GGNBP2: variants seen among roughly 807,000 people sequenced by gnomAD.
GGNBP2 encodes gametogenetin-binding protein 2.
A neutral mutation model predicts 85.9 loss-of-function variants in GGNBP2; 10 were observed. The ratio of observed to expected loss-of-function variants is 0.12; its 90% CI spans 0.07 to 0.20. The LOEUF is 0.20. Ranked by LOEUF, GGNBP2 falls within the 10% of genes least tolerant of loss-of-function variation. GGNBP2 has a pLI of 1.00. For missense variants in GGNBP2, 595 were observed against 857.8 expected (o/e 0.69, Z 3.83); for synonymous variants, 287 against 285.7 (o/e 1.00, Z -0.05).
At chr17:36,585,010 A>G (rs2074686693) in intron 9 of GGNBP2, among the ~76,000 whole-genome samples, 1 of 152,180 alleles carries the variant, frequency 6.6e-6, no homozygotes. Flanking sequence ...GATACAATTA[A>G]TATTTTTACA....
intron 2 of GGNBP2, among the ~76,000 whole-genome samples, chr17:36,549,489 A>G (rs1452669893): frequency 6.6e-6 from 1 of 152,240 alleles, no homozygotes; most frequent in Non-Finnish European, 1.5e-5. Flanking sequence ...TACAGGTGTG[A>G]GCCACCACAC....
chr17:36,574,992 G>A (rs1212982079), intron 6 of GGNBP2: 8 of 1,529,306 alleles, frequency 5.2e-6, no homozygotes, highest in East Asian at 4.8e-5. Flanking sequence ...TGGCCGGCAC[G>A]GGTCTGCTTC....
intron 6 of GGNBP2, among the ~76,000 whole-genome samples, chr17:36,573,221 T>A (rs1555607147): frequency 6.6e-6 from 1 of 152,168 alleles, no homozygotes; most frequent in Admixed American, 6.6e-5. Context: ...CAAGTGATTC[T>A]CCTGCCTCAG....
At chr17:36,550,672 AATTG>A (rs1440355493) in intron 2 of GGNBP2, among the ~76,000 whole-genome samples, 1 of 152,218 alleles carries the variant, frequency 6.6e-6, no homozygotes, top group African/African-American at 2.4e-5. Context: ...GAAAGTGGGT[AATTG>A]ATTCAATAAA....
chr17:36,579,348 C>T lies in GGNBP2; in HGVS notation c.949C>T (p.Leu317=), dbSNP rs1484491719. ...AAGACTGCATCGAATCTGGCAGAAG[C>T]TACGGGCAGAAGAGCAGACATGGCA... ...YERLHRIWQK[L]RAEEQTWQML... is the part of the protein sequence containing the mutation. The change falls in exon 8 of 14, where the codon CTA becomes TTA. Residue 317 remains leucine, a synonymous_variant. Coordinates refer to ENST00000613102, the MANE Select transcript of GGNBP2 (RefSeq NM_024835.5). 6.2e-7 allele frequency: 1 copy of T among 1,614,164 alleles called. No individual in the cohort carries two copies. The highest frequency in any genetic ancestry group is 2.2e-5 in the East Asian group (1 of 44,880).
chr17:36,561,710 G>C (rs1296725354), intron 5 of GGNBP2, among the ~76,000 whole-genome samples: 2 of 151,838 alleles, frequency 1.3e-5, no homozygotes, highest in Non-Finnish European at 2.9e-5. Flanking sequence ...TGCAACCTCT[G>C]CCTCCTGGGT....
At chr17:36,582,969 TAAATA>T (rs2074665495) in intron 9 of GGNBP2, among the ~76,000 whole-genome samples, 1 of 152,222 alleles carries the variant, frequency 6.6e-6, no homozygotes, top group Non-Finnish European at 1.5e-5. Context: ...AACTATTTTC[TAAATA>T]AAATGAGAGT....
At chr17:36,586,958 A>C (rs1346567461) in intron 12 of GGNBP2, 39 bp from the exon 13 acceptor site, 2 of 1,564,796 alleles carry the variant, frequency 1.3e-6, no homozygotes, top group Admixed American at 1.8e-5. Context: ...CTATTATATC[A>C]TGCCTTTTTA....
At chr17:36,574,793 T>C in intron 6 of GGNBP2, 1 of 654,220 alleles carries the variant, frequency 1.5e-6, no homozygotes, top group East Asian at 2.7e-5. Context: ...GCCTGTCGGC[T>C]TGCAAGGGAT....
intron 3 of GGNBP2, among the ~76,000 whole-genome samples, chr17:36,556,755 T>G: frequency 8.7e-6 from 1 of 114,856 alleles, no homozygotes; most frequent in East Asian, 2.2e-4. Flanking sequence ...ATTGTGCTTT[T>G]TTTTTTTTTT....
At chr17:36,572,116 C>T (rs550986625) in intron 6 of GGNBP2, among the ~76,000 whole-genome samples, 55 of 152,012 alleles carry the variant, frequency 3.6e-4, no homozygotes, top group African/African-American at 1.3e-3. Context: ...AAAGCTTTTA[C>T]GGCTTTTATA....
intron 2 of GGNBP2, chr17:36,546,271 T>G: frequency 8.1e-5 from 20 of 247,044 alleles, no homozygotes; most frequent in Non-Finnish European, 1.0e-4. Context: ...TAAGCTTAAT[T>G]ACTGGGGGCA....
rs374366757 is a variant in GGNBP2, at chr17:36,575,648, A to ATATTTT, written c.642-2334_642-2333insATTTTT. 2.9e-3 allele frequency among the ~76,000 whole-genome samples: 161 copies of ATATTTT among 54,898 alleles called. 2 individuals carry two copies. Among genetic ancestry groups the ATATTTT allele is most frequent in the African/African-American group, 7.2e-3 (66 of 9,176 alleles). 36.0% of individuals were successfully genotyped at this position (54,898 alleles called of 152,430 possible). A position where few individuals can be genotyped will look rare whatever the true frequency, so the allele number is the denominator to read the frequency against. ...TATATATATATATATATATATATATATTTTTTTTTTTTTTTGAGATGGAGT... is the reference window on the plus strand; with the variant it reads ...TATATATATATATATATATATATATATATTTTTTTTTTTTTTTTTTTGAGATGGAGT... On this transcript the variant is annotated intron_variant, in intron 6 of 13. Transcript: ENST00000613102.
chr17:36,577,864 T>A, intron 6 of GGNBP2, 119 bp from the exon 7 acceptor site: 1 of 767,948 alleles, frequency 1.3e-6, no homozygotes, highest in Non-Finnish European at 2.3e-6. Flanking sequence ...AATGTGTGTA[T>A]GGAGGCTTAT....
At chr17:36,559,492 AAAG>A (rs538172152) in intron 4 of GGNBP2, among the ~76,000 whole-genome samples, 4 of 152,100 alleles carry the variant, frequency 2.6e-5, no homozygotes, top group Non-Finnish European at 5.9e-5. Flanking sequence ...ATAAATAGGA[AAAG>A]AAGAAGAGGT....
intron 4 of GGNBP2, 68 bp from the exon 5 acceptor site, chr17:36,560,705 G>A: frequency 2.2e-6 from 2 of 914,304 alleles, no homozygotes; most frequent in Non-Finnish European, 3.3e-6. Flanking sequence ...CTAAAAGACA[G>A]TAAATAGAGA....
At chr17:36,572,540 T>C (rs1004217003) in intron 6 of GGNBP2, among the ~76,000 whole-genome samples, 29 of 151,992 alleles carry the variant, frequency 1.9e-4, no homozygotes, top group African/African-American at 7.0e-4. Flanking sequence ...AATACAAATA[T>C]TAGCCATGCG....
rs747476692 is a variant in GGNBP2 at position 36,585,446 on chromosome 17, G to C, written c.1362G>C (p.Lys454Asn). The C allele has an allele frequency of 4.9e-5, 77 of 1,587,452 alleles. No individual in the cohort carries two copies. In the Admixed American group the frequency reaches 8.3e-4, roughly 17 times the overall value. ...SGNLLGSPKI[K>N]KGLSPHCNGS... Reference sequence around the variant, plus strand: ...ATCTTTTGGGGTCCCCTAAAATAAAGAAAGGTAAGTAAATAATTTCTTTTT... The same window carrying C: ...ATCTTTTGGGGTCCCCTAAAATAAACAAAGGTAAGTAAATAATTTCTTTTT... The change falls in exon 10 of 14, where the codon AAG becomes AAC. Residue 454 changes from lysine (K) to asparagine (N), a missense_variant. Transcript: ENST00000613102.
chr17:36,557,462 G>A, intron 4 of GGNBP2, 126 bp downstream of exon 4: 1 of 776,586 alleles, frequency 1.3e-6, no homozygotes, highest in Non-Finnish European at 2.1e-6. Flanking sequence ...TAAGTTGTAT[G>A]TACCAGTGGA....
Sources: allele counts gnomAD v4.1 joint callset (sites outside exome capture counted in the v4.1 genomes callset), GRCh38; gene constraint gnomAD v4.1.1; transcripts MANE v1.5; gene names NCBI Gene and HGNC (gene_info 2026-07-23, HGNC 2026-07-21).